The following SNX9 variants were observed in gnomAD, a reference collection of about 807,000 sequenced individuals.
The protein encoded by SNX9 is sorting nexin-9.
A neutral mutation model predicts 89.4 loss-of-function variants in SNX9; 44 were observed. That is an observed-to-expected ratio of 0.49 (90% CI 0.39 to 0.63). The LOEUF (loss-of-function observed/expected upper bound fraction) is 0.63. Among genes scored for constraint, SNX9 ranks in the 30% least tolerant of loss-of-function variants. The probability of loss-of-function intolerance (pLI) is 0.00; values close to 1 mark genes in which losing one functional copy is unlikely to be tolerated. For synonymous variants in SNX9, 236 were observed against 247.8 expected (o/e 0.95, Z 0.45); for missense variants, 578 against 736.1 (o/e 0.79, Z 2.49).
chr6:157,914,661 A>G (rs1783425839), intron 9 of SNX9, among the ~76,000 whole-genome samples: 2 of 151,492 alleles, frequency 1.3e-5, no homozygotes. Flanking sequence ...TATTTTTGGT[A>G]GAGACAGGAT....
intron 2 of SNX9, among the ~76,000 whole-genome samples, chr6:157,870,220 A>G (rs962848121): frequency 6.6e-6 from 1 of 150,932 alleles, no homozygotes; most frequent in Non-Finnish European, 1.5e-5. Flanking sequence ...TCACACATGC[A>G]AGCACACACA....
intron 1 of SNX9, among the ~76,000 whole-genome samples, chr6:157,827,480 AATATATAAACTTATAGT>A (rs1781394019): frequency 1.1e-4 from 3 of 27,022 alleles, no homozygotes; most frequent in Non-Finnish European, 1.5e-4. Flanking sequence ...TAGTTTATAT[AATATATAAACTTATAGT>A]TTATATAATA....
intron 4 of SNX9, among the ~76,000 whole-genome samples, chr6:157,892,377 G>A (rs1022246516): frequency 6.6e-5 from 10 of 152,284 alleles, no homozygotes; most frequent in African/African-American, 1.4e-4. Context: ...TCCGAGGGCC[G>A]TGACGGAAGC....
At chr6:157,914,488 T>TTC (rs1338805955) in intron 9 of SNX9, among the ~76,000 whole-genome samples, 1 of 137,510 alleles carries the variant, frequency 7.3e-6, no homozygotes, top group East Asian at 2.0e-4. Flanking sequence ...TTTTTTTTTT[T>TTC]TTTTGGAGAC....
chr6:157,882,046 G>T (rs1583215047), intron 4 of SNX9, among the ~76,000 whole-genome samples: 1 of 152,206 alleles, frequency 6.6e-6, no homozygotes, highest in Non-Finnish European at 1.5e-5. Context: ...CTGGAGAGGG[G>T]AAGCCAGTGC....
chr6:157,850,505 T>TAACCAA (rs1216050268), intron 1 of SNX9, among the ~76,000 whole-genome samples: 1 of 151,764 alleles, frequency 6.6e-6, no homozygotes, highest in Middle Eastern at 3.2e-3. Context: ...ATGGGAGGAG[T>TAACCAA]AACCAACAGT....
intron 16 of SNX9, among the ~76,000 whole-genome samples, chr6:157,940,536 G>T (rs1035945416): frequency 6.6e-6 from 1 of 152,282 alleles, no homozygotes; most frequent in East Asian, 1.9e-4. Flanking sequence ...TCCTGCCTCG[G>T]CCTCCCAAGT....
chr6:157,848,010 C>T (rs1033781472), intron 1 of SNX9, among the ~76,000 whole-genome samples: 5 of 152,168 alleles, frequency 3.3e-5, no homozygotes, highest in Admixed American at 6.5e-5. Context: ...GGCAAGACCC[C>T]TCCTCACCTG....
chr6:157,837,904 A>C (rs1305642949), intron 1 of SNX9, among the ~76,000 whole-genome samples: 1 of 152,256 alleles, frequency 6.6e-6, no homozygotes, highest in African/African-American at 2.4e-5. Context: ...TGTACCATTA[A>C]TTATGGAAGG....
intron 14 of SNX9, among the ~76,000 whole-genome samples, 169 bp from the exon 15 acceptor site, chr6:157,937,265 A>G (rs921793238): frequency 1.3e-5 from 2 of 152,246 alleles, no homozygotes; most frequent in African/African-American, 2.4e-5. Flanking sequence ...GATTCAAAGT[A>G]TGGCAGTCTT....
chr6:157,869,699 G>A (rs1320684174), intron 2 of SNX9, among the ~76,000 whole-genome samples: 1 of 152,090 alleles, frequency 6.6e-6, no homozygotes, highest in Non-Finnish European at 1.5e-5. Context: ...GTCATTCCTC[G>A]CTGGCAGCAT....
At chr6:157,840,625 A>G (rs955951276) in intron 1 of SNX9, among the ~76,000 whole-genome samples, 11 of 152,080 alleles carry the variant, frequency 7.2e-5, no homozygotes, top group East Asian at 1.9e-4. Context: ...TTAAAACTTA[A>G]TTGATTGTAT....
intron 6 of SNX9, among the ~76,000 whole-genome samples, chr6:157,902,308 A>C (rs1171139729): frequency 6.6e-6 from 1 of 152,084 alleles, no homozygotes; most frequent in African/African-American, 2.4e-5. Flanking sequence ...TTCTAGCTTT[A>C]TCAATTTATG....
At chr6:157,930,288 C>A (rs1001488008) in intron 12 of SNX9, among the ~76,000 whole-genome samples, 13 of 152,170 alleles carry the variant, frequency 8.5e-5, no homozygotes, top group Non-Finnish European at 1.5e-5. Context: ...TGTTTCTTTC[C>A]CATGGCAAAG....
chr6:157,847,912 A>T (rs757814924), intron 1 of SNX9, among the ~76,000 whole-genome samples: 6 of 152,138 alleles, frequency 3.9e-5, no homozygotes, highest in Non-Finnish European at 8.8e-5. Context: ...GGCCTCTGGC[A>T]TTGTTTTGAC....
rs114392289 is a variant in SNX9 at position 157,884,133 on chromosome 6, G to A, written c.300+8957G>A. Among the ~76,000 whole-genome samples, 808 of 152,206 alleles carry A rather than the reference G, an allele frequency of 5.3e-3. 8 individuals are homozygous for A. The highest frequency in any genetic ancestry group is 0.017 in the African/African-American group (687 of 41,514). ...CTGGCCTGTTATTCTCCCATCTGAC[G>A]GGCTACCCAATCAAAAATGGGAAGA... is the stretch of plus-strand genomic sequence containing the variant. On this transcript the variant is annotated intron_variant, in intron 4 of 17. Transcript: ENST00000392185.
chr6:157,844,946 G>A lies in SNX9; in HGVS notation c.12+21500G>A, dbSNP rs564486854. 4.6e-5 allele frequency among the ~76,000 whole-genome samples: 7 copies of A among 151,978 alleles called. No homozygotes were observed. In the South Asian group the frequency reaches 1.5e-3, roughly 32 times the overall value. Reference sequence around the variant, plus strand: ...TTCAAACTATAAATTCCCAAAGTTCGTTCAGCCTGCGTCCAGGAGTGAACA... The same window carrying A: ...TTCAAACTATAAATTCCCAAAGTTCATTCAGCCTGCGTCCAGGAGTGAACA... On this transcript the variant is annotated intron_variant, in intron 1 of 17. Coordinates refer to ENST00000392185, the MANE Select transcript of SNX9 (RefSeq NM_016224.5).
chr6:157,823,874 C>T lies in SNX9; in HGVS notation c.12+428C>T, dbSNP rs1781288441. 6.6e-6 allele frequency among the ~76,000 whole-genome samples: 1 copy of T among 151,974 alleles called. No homozygotes were observed. On this transcript the variant is annotated intron_variant, in intron 1 of 17. Transcript: ENST00000392185. This position sits in a 1 kb window ranked among gnomAD's most constrained non-coding sequence, Gnocchi z 4.6. ...CCCCTCCCGCTGCCGCCTGGGGGAC[C>T]CTCGCCCCCGCGGGGCGGGTGGGGG...
At chr6:157,845,527 G>A (rs1006744458) in intron 1 of SNX9, among the ~76,000 whole-genome samples, 3 of 152,190 alleles carry the variant, frequency 2.0e-5, no homozygotes, top group African/African-American at 7.2e-5. Context: ...CATTAGCTAT[G>A]TAATAATTCA....
Sources: gnomAD v4.1 joint callset for allele counts (sites outside exome capture counted in the v4.1 genomes callset) on GRCh38, gnomAD v4.1.1 for gene constraint, Gnocchi (gnomAD v3.1) non-coding constraint, MANE v1.5 for transcripts, NCBI Gene and HGNC (gene_info 2026-07-23, HGNC 2026-07-21) for gene names.